Variants in KCNG3 observed in about 807,000 individuals in gnomAD.
The protein encoded by KCNG3 is potassium voltage-gated channel modifier subfamily G member 3, also known as voltage-gated potassium channel regulatory subunit KCNG3.
In KCNG3, 15 loss-of-function variants were observed where a neutral mutation model predicts 29.0. The ratio of observed to expected loss-of-function variants is 0.52; its 90% CI spans 0.35 to 0.80. The LOEUF is 0.80. KCNG3 is among the 30% of genes least tolerant of loss of function. KCNG3 has a pLI of 0.01. For synonymous variants in KCNG3, 322 were observed against 248.9 expected (o/e 1.29, Z -2.76); for missense variants, 512 against 605.7 (o/e 0.85, Z 1.62).
chr2:42,486,250 C>G (rs1255538549), intron 1 of KCNG3, among the ~76,000 whole-genome samples: 1 of 152,198 alleles, frequency 6.6e-6, no homozygotes, highest in Non-Finnish European at 1.5e-5. Context: ...CTCTCCTAGT[C>G]CTGGTAGGTG....
rs1236187156 is a variant in KCNG3 at position 42,442,161 on chromosome 2, T to C, written c.*1773A>G. On this transcript the variant is annotated 3_prime_UTR_variant, in exon 2 of 2. Coordinates refer to ENST00000306078, the MANE Select transcript of KCNG3 (RefSeq NM_133329.6). ...CAATTATATTAGAATACAATAAATATACAATAAATAACTGAATTTCTTTTG... is the reference window on the plus strand; with the variant it reads ...CAATTATATTAGAATACAATAAATACACAATAAATAACTGAATTTCTTTTG... The C allele has an allele frequency of 6.6e-6, 1 of 152,152 alleles. No individual in the cohort carries two copies. The highest frequency in any genetic ancestry group is 1.5e-5 in the Non-Finnish European group (1 of 68,016). The allele number at this position is 152,152 out of a possible 1,614,324, so 9.4% of individuals were successfully genotyped here.
At chr2:42,435,494 AATAAGAGAAAATATTT>A in the KCNG3 span, among the ~76,000 whole-genome samples, 1 of 152,318 alleles carries the variant, frequency 6.6e-6, no homozygotes, top group Non-Finnish European at 1.5e-5. Flanking sequence ...CAACCCTCAG[AATAAGAGAAAATATTT>A]ACAAATCATA....
At chr2:42,463,712 C>CT (rs1395004977) in intron 1 of KCNG3, 2 of 189,162 alleles carry the variant, frequency 1.1e-5, no homozygotes, top group African/African-American at 4.8e-5. Flanking sequence ...CAAAGGTCAG[C>CT]TTCAGTCCAC....
the KCNG3 span, among the ~76,000 whole-genome samples, chr2:42,390,260 G>A: frequency 3.3e-5 from 5 of 152,090 alleles, no homozygotes; most frequent in African/African-American, 4.8e-5. Context: ...TTAAATTACA[G>A]AGCCATATTT....
the KCNG3 span, among the ~76,000 whole-genome samples, chr2:42,423,516 A>G: frequency 3.9e-5 from 6 of 152,272 alleles, no homozygotes; most frequent in East Asian, 7.7e-4. Flanking sequence ...CTGCCAAAAC[A>G]TGCCACTTTC....
At chr2:42,399,839 C>G in the KCNG3 span, among the ~76,000 whole-genome samples, 1 of 152,148 alleles carries the variant, frequency 6.6e-6, no homozygotes, top group African/African-American at 2.4e-5. Context: ...ACGTCTCTCC[C>G]TACAGTTGGG....
chr2:42,436,903 T>C, the KCNG3 span, among the ~76,000 whole-genome samples: 1 of 152,208 alleles, frequency 6.6e-6, no homozygotes, highest in Non-Finnish European at 1.5e-5. Flanking sequence ...AAAGAACTTG[T>C]TCTTTCATAC....
downstream of KCNG3, among the ~76,000 whole-genome samples, chr2:42,438,294 C>G (rs1672410459): frequency 1.3e-5 from 2 of 152,200 alleles, no homozygotes; most frequent in South Asian, 4.1e-4. Flanking sequence ...ACTGCCTCCA[C>G]TCTGTCATGG....
At chr2:42,481,165 C>T (rs959849374) in intron 1 of KCNG3, among the ~76,000 whole-genome samples, 25 of 152,174 alleles carry the variant, frequency 1.6e-4, no homozygotes, top group African/African-American at 6.0e-4. Context: ...TCTGCCCACC[C>T]CAGCTCCAGA....
chr2:42,400,869 G>A, the KCNG3 span, among the ~76,000 whole-genome samples: 1 of 151,854 alleles, frequency 6.6e-6, no homozygotes. Flanking sequence ...AAAAGAAGTT[G>A]TTTTTGGTTA....
At chr2:42,427,040 T>C in the KCNG3 span, among the ~76,000 whole-genome samples, 4 of 152,218 alleles carry the variant, frequency 2.6e-5, no homozygotes, top group African/African-American at 9.6e-5. Flanking sequence ...TCAAAGTTCT[T>C]ATATGCTCAG....
chr2:42,411,827 C>T, the KCNG3 span, among the ~76,000 whole-genome samples: 1 of 152,214 alleles, frequency 6.6e-6, no homozygotes, highest in African/African-American at 2.4e-5. Flanking sequence ...GTTATTTGTA[C>T]TTGCTACCAT....
At chr2:42,469,679 G>T (rs1461962344) in intron 1 of KCNG3, 1 of 152,080 alleles carries the variant, frequency 6.6e-6, no homozygotes, top group East Asian at 1.9e-4. Flanking sequence ...AAATATAAAA[G>T]AATCTTTATG....
chr2:42,447,272 A>G (rs887353048), intron 1 of KCNG3, among the ~76,000 whole-genome samples: 3 of 150,632 alleles, frequency 2.0e-5, no homozygotes, highest in South Asian at 2.2e-4. Context: ...ACATACATGT[A>G]TATATATATA....
At chr2:42,478,047 A>T (rs1460230583) in intron 1 of KCNG3, among the ~76,000 whole-genome samples, 5 of 152,092 alleles carry the variant, frequency 3.3e-5, no homozygotes, top group African/African-American at 1.2e-4. Flanking sequence ...CCTTTACCAC[A>T]GGCACGTTCT....
chr2:42,488,427 T>C (rs1176277624), intron 1 of KCNG3, among the ~76,000 whole-genome samples: 2 of 152,182 alleles, frequency 1.3e-5, no homozygotes, highest in African/African-American at 4.8e-5. Flanking sequence ...TAGGCTGGAG[T>C]GCAGTTGCTG....
chr2:42,464,337 G>C (rs1443986648), intron 1 of KCNG3, among the ~76,000 whole-genome samples: 1 of 152,116 alleles, frequency 6.6e-6, no homozygotes, highest in Non-Finnish European at 1.5e-5. Flanking sequence ...AAAGTGCTCA[G>C]ATTACAGACC....
chr2:42,404,333 G>A, the KCNG3 span, among the ~76,000 whole-genome samples: 1 of 152,200 alleles, frequency 6.6e-6, no homozygotes, highest in African/African-American at 2.4e-5. Flanking sequence ...GAAGGGAACT[G>A]GGAGCTTACA....
intron 1 of KCNG3, chr2:42,463,166 C>G (rs1430104995): frequency 5.8e-6 from 2 of 345,034 alleles, no homozygotes; most frequent in Non-Finnish European, 1.1e-5. Flanking sequence ...CTAGACCAAG[C>G]TCATGGCCAC....
Sources: allele counts gnomAD v4.1 joint callset (sites outside exome capture counted in the v4.1 genomes callset), GRCh38; gene constraint gnomAD v4.1.1; transcripts MANE v1.5; gene names NCBI Gene and HGNC (gene_info 2026-07-23, HGNC 2026-07-21).